The following MAGEC3 variants were observed in gnomAD, a reference collection of about 807,000 sequenced individuals.
MAGEC3 encodes the protein melanoma-associated antigen C3.
A neutral mutation model predicts 35.3 loss-of-function variants in MAGEC3; 34 were observed. The ratio of observed to expected loss-of-function variants is 0.96; its 90% CI spans 0.73 to 1.28. The LOEUF (loss-of-function observed/expected upper bound fraction) is 1.28, where lower values mean the gene tolerates loss of function less well. Among genes scored for constraint, MAGEC3 ranks in the 50% most tolerant of loss-of-function variants. The probability of loss-of-function intolerance (pLI) is 0.00; values close to 1 mark genes in which losing one functional copy is unlikely to be tolerated. For missense variants in MAGEC3, 561 were observed against 483.6 expected (o/e 1.16, Z -1.50); for synonymous variants, 202 against 185.6 (o/e 1.09, Z -0.72).
chrX:141,854,573 T>G (rs2017769505), intron 1 of MAGEC3, among the ~76,000 whole-genome samples: 1 of 111,377 alleles, frequency 9.0e-6, no homozygotes, highest in Non-Finnish European at 1.9e-5. Context: ...TTTCTGCTTT[T>G]TCGTCTTCCT....
chrX:141,895,173 G>C (rs1484850336), intron 4 of MAGEC3, 96 bp from the exon 5 acceptor site: 29 of 972,880 alleles, frequency 3.0e-5, no homozygotes, highest in Admixed American at 5.0e-5. Flanking sequence ...AGTGGAGTGC[G>C]GGGAAGTGGT....
chrX:141,842,124 C>T (rs1432029986), intron 1 of MAGEC3, among the ~76,000 whole-genome samples: 1 of 111,451 alleles, frequency 9.0e-6, no homozygotes, highest in African/African-American at 3.3e-5. Context: ...GAATGCTGTG[C>T]AGCCATTAAA....
At chrX:141,860,277 C>T (rs768746109) in intron 1 of MAGEC3, among the ~76,000 whole-genome samples, 1 of 111,792 alleles carries the variant, frequency 8.9e-6, no homozygotes, top group South Asian at 3.7e-4. Flanking sequence ...CTAATCTAGA[C>T]AGTTCAAAAC....
At chrX:141,852,782 G>T (rs1347949017) in intron 1 of MAGEC3, among the ~76,000 whole-genome samples, 1 of 110,838 alleles carries the variant, frequency 9.0e-6, no homozygotes, top group Non-Finnish European at 1.9e-5. Context: ...GGATATATCC[G>T]ATTTGGTCTT....
intron 2 of MAGEC3, among the ~76,000 whole-genome samples, chrX:141,871,498 G>A (rs1033482446): frequency 2.7e-5 from 3 of 111,630 alleles, no homozygotes; most frequent in Non-Finnish European, 3.8e-5. Context: ...AGATGGCTGA[G>A]GGAAAACGTT....
intron 4 of MAGEC3, among the ~76,000 whole-genome samples, chrX:141,886,934 G>A (rs2124121715): frequency 8.9e-6 from 1 of 111,819 alleles, no homozygotes; most frequent in Non-Finnish European, 1.9e-5. Context: ...AAATACGCAG[G>A]GGTGGTGATT....
rs763274539 is a variant in MAGEC3 at position 141,866,625 on chromosome X, C to T, written c.258+1020C>T. Among the ~76,000 whole-genome samples the T allele has an allele frequency of 5.4e-5, 6 of 111,979 alleles. No homozygotes were observed. In the South Asian group the frequency reaches 1.1e-3, roughly 21 times the overall value. On this transcript the variant is annotated intron_variant, in intron 2 of 7. Coordinates refer to ENST00000298296, the MANE Select transcript of MAGEC3 (RefSeq NM_138702.1). ...CACAGAAACTCATATAAATGCACAA[C>T]GAAACATGTAAATGAATATTAATTG...
intron 4 of MAGEC3, among the ~76,000 whole-genome samples, chrX:141,890,932 C>T (rs1051377958): frequency 1.8e-5 from 2 of 111,793 alleles, no homozygotes; most frequent in East Asian, 2.8e-4. Context: ...TCCTGGGTGA[C>T]GTGAGAGCCA....
At chrX:141,893,550 T>C (rs888044526) in intron 4 of MAGEC3, among the ~76,000 whole-genome samples, 1 of 110,051 alleles carries the variant, frequency 9.1e-6, no homozygotes, top group African/African-American at 3.3e-5. Flanking sequence ...TGATGTAAAC[T>C]GTGGACTTGA....
rs1302039177 is a variant in MAGEC3, at chrX:141,893,876, T to C, written c.910-1393T>C. ...AATCAGGAAAAGGCATATAAAAAGA[T>C]GACCAACGTCATTTGTCATTAGGAA... is the stretch of plus-strand genomic sequence containing the variant. On this transcript the variant is annotated intron_variant, in intron 4 of 7. Coordinates refer to ENST00000298296, the MANE Select transcript of MAGEC3 (RefSeq NM_138702.1). 2.7e-5 allele frequency among the ~76,000 whole-genome samples: 3 copies of C among 111,340 alleles called. 1 individual carries two copies. Among genetic ancestry groups the C allele is most frequent in the African/African-American group, 9.8e-5 (3 of 30,570 alleles).
chrX:141,888,267 A>T (rs773860767), intron 4 of MAGEC3, among the ~76,000 whole-genome samples: 22 of 112,236 alleles, frequency 2.0e-4, no homozygotes, highest in Non-Finnish European at 4.1e-4. Flanking sequence ...CAGCTGCAGC[A>T]CTACAGCCCC....
intron 6 of MAGEC3, 191 bp from the exon 7 acceptor site, chrX:141,896,691 G>A (rs2018098904): frequency 1.6e-5 from 19 of 1,211,685 alleles, no homozygotes; most frequent in Non-Finnish European, 2.0e-5. Context: ...TCAGCTTTGA[G>A]GAAGACTTCC....
intron 4 of MAGEC3, among the ~76,000 whole-genome samples, chrX:141,882,369 C>T (rs947502044): frequency 2.7e-4 from 30 of 111,521 alleles, no homozygotes; most frequent in African/African-American, 9.5e-4. Flanking sequence ...AAATATTAGT[C>T]ACACATATAT....
chrX:141,848,675 T>G (rs1375452916), intron 1 of MAGEC3, among the ~76,000 whole-genome samples: 1 of 111,245 alleles, frequency 9.0e-6, no homozygotes, highest in Non-Finnish European at 1.9e-5. Flanking sequence ...ATTGAAAGAA[T>G]TAATATTGTT....
intron 2 of MAGEC3, among the ~76,000 whole-genome samples, chrX:141,867,650 G>A (rs1268174827): frequency 8.9e-6 from 1 of 112,188 alleles, no homozygotes; most frequent in African/African-American, 3.2e-5. Flanking sequence ...TGTTACTGCT[G>A]CTATGAGGAT....
intron 1 of MAGEC3, 23 bp from the exon 2 acceptor site, chrX:141,865,447 GC>G: frequency 8.4e-7 from 1 of 1,197,279 alleles, no homozygotes; most frequent in South Asian, 1.9e-5. Context: ...GCCTAGTCCT[GC>G]CCCTGATATT....
intron 3 of MAGEC3, 37 bp from the exon 4 acceptor site, chrX:141,881,366 G>A: frequency 8.6e-7 from 1 of 1,167,316 alleles, no homozygotes; most frequent in Non-Finnish European, 1.1e-6. Flanking sequence ...GAAGAGCCTA[G>A]CAGCCAATAA....
intron 6 of MAGEC3, among the ~76,000 whole-genome samples, chrX:141,895,775 G>A (rs1205501495): frequency 9.2e-6 from 1 of 109,100 alleles, no homozygotes; most frequent in Non-Finnish European, 1.9e-5. Context: ...CCTTGGTCTG[G>A]GGGGTTCCAT....
In MAGEC3 at chrX:141,863,546, G is replaced by A. The variant is rs912638986; in HGVS notation, c.124-1925G>A. Among the ~76,000 whole-genome samples, 45 of 111,697 alleles carry A rather than the reference G, an allele frequency of 4.0e-4. 1 individual carries two copies. Among genetic ancestry groups the A allele is most frequent in the African/African-American group, 1.5e-3 (45 of 30,737 alleles). ...CCACATTACAAGATGTAAACAATAT[G>A]GAAAACTGTGGGGAGGTTAGTGGAT... On this transcript the variant is annotated intron_variant, in intron 1 of 7. Transcript: ENST00000298296.
Sources: gnomAD v4.1 joint callset for allele counts (sites outside exome capture counted in the v4.1 genomes callset) on GRCh38, gnomAD v4.1.1 for gene constraint, MANE v1.5 for transcripts, NCBI Gene and HGNC (gene_info 2026-07-23, HGNC 2026-07-21) for gene names.